TMEM132D: variants seen among roughly 807,000 people sequenced by gnomAD.
TMEM132D encodes the protein mature OL transmembrane protein.
A neutral mutation model predicts 62.3 loss-of-function variants in TMEM132D; 21 were observed. The observed-to-expected ratio is 0.34, with a 90% confidence interval of 0.24 to 0.49. The LOEUF is 0.49. Among genes scored for constraint, TMEM132D ranks in the 20% least tolerant of loss-of-function variants. The pLI is 0.99. For synonymous variants in TMEM132D, 621 were observed against 575.6 expected (o/e 1.08, Z -1.13); for missense variants, 1,346 against 1,402.8 (o/e 0.96, Z 0.65).
chr12:129,784,555 G>A (rs903673460), intron 1 of TMEM132D, among the ~76,000 whole-genome samples: 11 of 152,160 alleles, frequency 7.2e-5, no homozygotes, highest in Non-Finnish European at 1.5e-4. Context: ...CGGCATCTGT[G>A]CTGGCCATAT....
intron 2 of TMEM132D, among the ~76,000 whole-genome samples, chr12:129,600,127 G>T (rs1160965866): frequency 1.3e-5 from 2 of 152,216 alleles, no homozygotes; most frequent in Non-Finnish European, 2.9e-5. Context: ...CCCTGCTGTT[G>T]CTTTATCAAA....
At chr12:129,540,398 G>A (rs532017050) in intron 2 of TMEM132D, among the ~76,000 whole-genome samples, 8 of 152,170 alleles carry the variant, frequency 5.3e-5, no homozygotes, top group Non-Finnish European at 1.2e-4. Context: ...ATAATCCGTG[G>A]CTATAAAGGA....
chr12:129,218,699 CTG>C (rs1391733542), intron 4 of TMEM132D, among the ~76,000 whole-genome samples: 1 of 152,210 alleles, frequency 6.6e-6, no homozygotes, highest in African/African-American at 2.4e-5. Context: ...TCATTCTAAA[CTG>C]TCATTGAGAT....
intron 1 of TMEM132D, among the ~76,000 whole-genome samples, chr12:129,811,783 A>C (rs1353276453): frequency 2.6e-5 from 4 of 151,672 alleles, no homozygotes; most frequent in Non-Finnish European, 2.9e-5. Context: ...AGGGGACCCC[A>C]GGAGAAGGAA....
At chr12:129,851,736 CT>C (rs1248198828) in intron 1 of TMEM132D, among the ~76,000 whole-genome samples, 1 of 152,216 alleles carries the variant, frequency 6.6e-6, no homozygotes, top group Non-Finnish European at 1.5e-5. Flanking sequence ...GCCTGCAACA[CT>C]GTCTATGTCA....
chr12:129,787,930 T>A (rs1871286609), intron 1 of TMEM132D, among the ~76,000 whole-genome samples: 1 of 152,166 alleles, frequency 6.6e-6, no homozygotes, highest in Non-Finnish European at 1.5e-5. Flanking sequence ...AACCTTCAGA[T>A]GAGAGGGCAG....
intron 5 of TMEM132D, among the ~76,000 whole-genome samples, chr12:129,096,097 G>C (rs1464140559): frequency 6.6e-6 from 1 of 152,112 alleles, no homozygotes; most frequent in Non-Finnish European, 1.5e-5. Context: ...GCCTTCCCAG[G>C]TATGCACATG....
At chr12:129,161,602 C>T (rs7306089) in intron 5 of TMEM132D, among the ~76,000 whole-genome samples, 84,177 of 151,996 alleles carry the variant, frequency 0.55, 24,737 homozygotes, top group Non-Finnish European at 0.66. Flanking sequence ...TTCTCTATTA[C>T]GGCTTTTGCC....
chr12:129,269,480 G>A (rs1880794258), intron 4 of TMEM132D, among the ~76,000 whole-genome samples: 1 of 151,600 alleles, frequency 6.6e-6, no homozygotes, highest in African/African-American at 2.4e-5. Flanking sequence ...TGCTAGCCCT[G>A]TCTCAACACT....
intron 5 of TMEM132D, among the ~76,000 whole-genome samples, chr12:129,148,654 T>C (rs939073036): frequency 3.9e-5 from 6 of 152,232 alleles, no homozygotes; most frequent in African/African-American, 1.4e-4. Flanking sequence ...GATAACTTTG[T>C]GCATTTTTAA....
At chr12:129,466,715 A>G (rs1465235332) in intron 3 of TMEM132D, among the ~76,000 whole-genome samples, 1 of 152,146 alleles carries the variant, frequency 6.6e-6, no homozygotes, top group Non-Finnish European at 1.5e-5. Flanking sequence ...GACTATGATG[A>G]ATGACTTGCA....
rs891106436 is a variant in TMEM132D, at chr12:129,184,801, T to C, written c.1443+24719A>G. Among the ~76,000 whole-genome samples the C allele has an allele frequency of 9.3e-5, 14 of 151,274 alleles. No homozygotes were observed. In the East Asian group the frequency reaches 2.8e-3, roughly 30 times the overall value. Reference sequence around the variant, plus strand: ...TTTCTCTTTCTTAGACAATCACCTTTGGCTGTTTCATCAGAAATGTGATAT... The same window carrying C: ...TTTCTCTTTCTTAGACAATCACCTTCGGCTGTTTCATCAGAAATGTGATAT... On this transcript the variant is annotated intron_variant, in intron 5 of 8. Transcript: ENST00000422113.
Position 129,337,742 on chromosome 12 carries a change from CTGT to C in TMEM132D, c.1188_1190del (p.Gln397del). 6.2e-7 allele frequency: 1 copy of C among 1,614,212 alleles called. No individual in the cohort carries two copies. Among genetic ancestry groups the C allele is most frequent in the Non-Finnish European group, 8.5e-7 (1 of 1,180,026 alleles). ...GGTACTCGACCTGCCACGTGACCAG[CTGT>C]GTGGCTGGCAGGTCACCAGGCTCTT... is the stretch of plus-strand genomic sequence containing the variant. On this transcript the variant is annotated inframe_deletion, in exon 4 of 9. Transcript: ENST00000422113.
intron 5 of TMEM132D, among the ~76,000 whole-genome samples, chr12:129,164,678 T>C (rs944692138): frequency 6.6e-6 from 1 of 152,142 alleles, no homozygotes; most frequent in African/African-American, 2.4e-5. Flanking sequence ...GAAGAAGTGC[T>C]GAGTGAAGGG....
intron 3 of TMEM132D, among the ~76,000 whole-genome samples, chr12:129,411,938 A>C (rs1238108527): frequency 6.6e-6 from 1 of 152,226 alleles, no homozygotes; most frequent in Non-Finnish European, 1.5e-5. Context: ...AGATGTGAAT[A>C]GGGTTGTTTA....
In TMEM132D at chr12:129,772,259, T is replaced by C. The variant is rs113443514; in HGVS notation, c.80-71561A>G. 3.7e-3 allele frequency among the ~76,000 whole-genome samples: 558 copies of C among 152,354 alleles called. 2 individuals are homozygous for C. Among genetic ancestry groups the C allele is most frequent in the African/African-American group, 0.013 (544 of 41,580 alleles). On this transcript the variant is annotated intron_variant, in intron 1 of 8. Transcript: ENST00000422113. ...TCATACACCTATAATTTAAATTGATTAAGATATGCATCAAAAATTCAATAG... is the reference window on the plus strand; with the variant it reads ...TCATACACCTATAATTTAAATTGATCAAGATATGCATCAAAAATTCAATAG...
intron 4 of TMEM132D, among the ~76,000 whole-genome samples, chr12:129,242,968 G>A (rs912826972): frequency 8.9e-5 from 9 of 100,690 alleles, no homozygotes; most frequent in African/African-American, 1.4e-4. Flanking sequence ...TTCAGGCTGC[G>A]GGCTGCCTGC....
chr12:129,444,322 C>A (rs1873030269), intron 3 of TMEM132D, among the ~76,000 whole-genome samples: 2 of 152,110 alleles, frequency 1.3e-5, no homozygotes. Flanking sequence ...AGTAAACAGA[C>A]AACTTACGGA....
At chr12:129,244,624 TTTATTTTTG>T (rs1262603739) in intron 4 of TMEM132D, among the ~76,000 whole-genome samples, 1 of 151,966 alleles carries the variant, frequency 6.6e-6, no homozygotes. Context: ...TGTTTTTTGT[TTTATTTTTG>T]TTTTGTTTTG....
Sources: allele counts gnomAD v4.1 joint callset (sites outside exome capture counted in the v4.1 genomes callset), GRCh38; gene constraint gnomAD v4.1.1; transcripts MANE v1.5; gene names NCBI Gene and HGNC (gene_info 2026-07-23, HGNC 2026-07-21).